Variants in GNG7 observed in about 807,000 individuals in gnomAD.
GNG7 encodes the protein guanine nucleotide-binding protein G(I)/G(S)/G(O) subunit gamma-7.
A neutral mutation model predicts 4.0 loss-of-function variants in GNG7; 1 was observed. That is an observed-to-expected ratio of 0.25 (90% CI 0.09 to 1.18). The LOEUF (loss-of-function observed/expected upper bound fraction) is 1.18. Among genes scored for constraint, GNG7 ranks in the 50% most tolerant of loss-of-function variants. The pLI is 0.50. For missense variants in GNG7, 86 were observed against 91.9 expected, an observed-to-expected ratio of 0.94 and a Z score of 0.26; for synonymous variants, 34 against 36.9, an observed-to-expected ratio of 0.92 and a Z score of 0.29.
chr19:2,592,818 G>GAA (rs1980887336), intron 2 of GNG7, among the ~76,000 whole-genome samples: 1 of 44,552 alleles, frequency 2.2e-5, no homozygotes, highest in African/African-American at 4.8e-5. Context: ...GAAAGAAAGA[G>GAA]AGAGAGAGAG....
intron 2 of GNG7, among the ~76,000 whole-genome samples, chr19:2,620,233 AGGGGAGGG>A (rs1568265005): frequency 2.4e-4 from 9 of 37,770 alleles, no homozygotes; most frequent in African/African-American, 5.2e-4. Context: ...AGGAGAGGGG[AGGGGAGGG>A]GAGGGGAGGG....
At chr19:2,670,767 G>C (rs1199463988) in intron 1 of GNG7, among the ~76,000 whole-genome samples, 2 of 150,782 alleles carry the variant, frequency 1.3e-5, no homozygotes, top group Admixed American at 6.6e-5. Flanking sequence ...CCCCCCACAA[G>C]TTGTGACAAC....
At chr19:2,647,590 C>T (rs1982698991) in intron 1 of GNG7, among the ~76,000 whole-genome samples, 1 of 152,084 alleles carries the variant, frequency 6.6e-6, no homozygotes, top group Non-Finnish European at 1.5e-5. Flanking sequence ...TAGTGGTGCC[C>T]GCCTGTGACC....
intron 1 of GNG7, among the ~76,000 whole-genome samples, chr19:2,690,996 C>T (rs1913122978): frequency 6.6e-6 from 1 of 152,126 alleles, no homozygotes; most frequent in Non-Finnish European, 1.5e-5. Flanking sequence ...CCAATAGAGA[C>T]TGGGGACTCT....
chr19:2,549,293 G>GT (rs11439149), intron 3 of GNG7, among the ~76,000 whole-genome samples: 59,572 of 144,474 alleles, frequency 0.41, 12,430 homozygotes, highest in East Asian at 0.58. Flanking sequence ...ACAGGGCTGT[G>GT]TTTTTTTTTT....
chr19:2,585,548 A>G (rs1311960350), intron 2 of GNG7, among the ~76,000 whole-genome samples: 1 of 152,206 alleles, frequency 6.6e-6, no homozygotes, highest in African/African-American at 2.4e-5. Context: ...GTTCAAAAGT[A>G]TATTGAAAAC....
rs1972666708 is a variant in GNG7 at position 2,512,238 on chromosome 19, A to G, written c.*2784T>C. The G allele has an allele frequency of 5.1e-6, 5 of 985,710 alleles. No individual in the cohort carries two copies. In the South Asian group the frequency reaches 1.9e-4, roughly 37 times the overall value. The allele number at this position is 985,710 out of a possible 1,614,324, so 61.1% of individuals were successfully genotyped here. On this transcript the variant is annotated 3_prime_UTR_variant, in exon 5 of 5. Transcript: ENST00000382159. This position sits in a 1 kb window ranked among gnomAD's most constrained non-coding sequence, Gnocchi z 4.7. ...GCGCTCCTGGAAACGCCCATAAAAC[A>G]TGCGTTCACCCCAGGGATTCCCGGC...
At chr19:2,631,734 T>TG (rs1187011571) in intron 2 of GNG7, among the ~76,000 whole-genome samples, 6 of 151,890 alleles carry the variant, frequency 4.0e-5, no homozygotes, top group Non-Finnish European at 4.4e-5. Context: ...GGGCCTGGGG[T>TG]GGGGGCACAG....
Position 2,589,371 on chromosome 19 carries a change from C to CTTTTTTTTTTT in GNG7, c.-77-34194_-77-34184dup, listed in dbSNP as rs33940288. Among the ~76,000 whole-genome samples the CTTTTTTTTTTT allele has an allele frequency of 4.8e-3, 486 of 100,530 alleles. 9 individuals are homozygous for CTTTTTTTTTTT. The highest frequency in any genetic ancestry group is 7.3e-3 in the African/African-American group (195 of 26,776). The allele number at this position is 100,530 out of a possible 152,430, so 66.0% of individuals were successfully genotyped here. A position where few individuals can be genotyped will look rare whatever the true frequency, so the allele number is the denominator to read the frequency against. Reference sequence around the variant, plus strand: ...CCAGGTAGCTGGGACTACAGGTGCACTTTTTTTTTTTTTTTTTTTTTTTTA... The same window carrying CTTTTTTTTTTT: ...CCAGGTAGCTGGGACTACAGGTGCACTTTTTTTTTTTTTTTTTTTTTTTTTTTTTTTTTTTA... On this transcript the variant is annotated intron_variant, in intron 2 of 4. Transcript: ENST00000382159.
chr19:2,678,797 C>A (rs531592605), intron 1 of GNG7, among the ~76,000 whole-genome samples: 15 of 152,084 alleles, frequency 9.9e-5, no homozygotes, highest in East Asian at 1.9e-4. Context: ...CAGGTCTACA[C>A]CCCATGCCAA....
chr19:2,624,072 G>C (rs1415087709), intron 2 of GNG7, among the ~76,000 whole-genome samples: 1 of 151,942 alleles, frequency 6.6e-6, no homozygotes, highest in African/African-American at 2.4e-5. Flanking sequence ...GGGAGCAAGT[G>C]TTTCACGGGG....
chr19:2,521,612 G>GGTTTTT (rs1177641184), intron 3 of GNG7, among the ~76,000 whole-genome samples: 1 of 104,702 alleles, frequency 9.6e-6, no homozygotes, highest in Non-Finnish European at 1.8e-5. Context: ...CCCCCTCCGT[G>GGTTTTT]TTTTTTTTTT....
At position 2,553,905 on chromosome 19, in the gene GNG7, A is replaced by G. The variant is rs74928428; in HGVS notation, c.-38+1244T>C. 2.8e-3 allele frequency among the ~76,000 whole-genome samples: 413 copies of G among 148,204 alleles called. 3 individuals are homozygous for G. Among genetic ancestry groups the G allele is most frequent in the African/African-American group, 9.9e-3 (403 of 40,570 alleles). On this transcript the variant is annotated intron_variant, in intron 3 of 4. Transcript: ENST00000382159. The stretch of plus-strand genomic sequence containing the variant: ...GTACATATTCTATGTAATATTACAT[A>G]CATGTGCATATTGCATGTAATATAT...
At chr19:2,538,153 A>C in intron 3 of GNG7, 4 of 456,698 alleles carry the variant, frequency 8.8e-6, no homozygotes, top group Middle Eastern at 3.3e-4. Flanking sequence ...GGAGGCCCTG[A>C]TGCCATGGAT....
chr19:2,695,494 C>T (rs777407936), intron 1 of GNG7, among the ~76,000 whole-genome samples: 4 of 152,128 alleles, frequency 2.6e-5, no homozygotes, highest in South Asian at 2.1e-4. Context: ...AGGCACACAA[C>T]GGGCCTTTGT....
chr19:2,683,450 C>A (rs2144901785), intron 1 of GNG7: 1 of 152,308 alleles, frequency 6.6e-6, no homozygotes, highest in East Asian at 1.9e-4. Flanking sequence ...CTGCTAGATA[C>A]TCTCCACGCC....
chr19:2,642,875 C>G (rs1434004951), intron 2 of GNG7: 6 of 456,338 alleles, frequency 1.3e-5, no homozygotes, highest in Non-Finnish European at 2.2e-5. Flanking sequence ...TGAGCCCTCT[C>G]CGGGCTCTGC....
chr19:2,645,438 C>T (rs1982639978), intron 2 of GNG7, among the ~76,000 whole-genome samples: 1 of 151,900 alleles, frequency 6.6e-6, no homozygotes, highest in African/African-American at 2.4e-5. Context: ...GGGGTTTCAC[C>T]ATGTTGGTCA....
chr19:2,689,825 G>A (rs541282986), intron 1 of GNG7, among the ~76,000 whole-genome samples: 4 of 152,090 alleles, frequency 2.6e-5, no homozygotes, highest in Middle Eastern at 3.4e-3. Context: ...AGATGGACTC[G>A]AGGGCCAACA....
Sources: gnomAD v4.1 joint callset for allele counts (sites outside exome capture counted in the v4.1 genomes callset) on GRCh38, gnomAD v4.1.1 for gene constraint, Gnocchi (gnomAD v3.1) non-coding constraint, MANE v1.5 for transcripts, NCBI Gene and HGNC (gene_info 2026-07-23, HGNC 2026-07-21) for gene names.